Variants in COL23A1 observed in about 807,000 individuals in gnomAD.
COL23A1 encodes the protein collagen type XXIII alpha 1 chain.
COL23A1 carries 97 observed loss-of-function variants against 99.3 expected under a neutral mutation model. The ratio of observed to expected loss-of-function variants is 0.98; its 90% CI spans 0.83 to 1.16. The LOEUF (loss-of-function observed/expected upper bound fraction) is 1.16, where lower values mean the gene tolerates loss of function less well. Among genes scored for constraint, COL23A1 ranks in the 50% most tolerant of loss-of-function variants. COL23A1 has a pLI of 0.00. For missense variants in COL23A1, 762 were observed against 757.4 expected, an observed-to-expected ratio of 1.01 and a Z score of -0.07; for synonymous variants, 320 against 308.2, an observed-to-expected ratio of 1.04 and a Z score of -0.40.
rs1763590932 is a variant in COL23A1 at position 178,384,945 on chromosome 5, C to G, written c.362-78026G>C. On this transcript the variant is annotated intron_variant, in intron 2 of 28. Transcript: ENST00000390654. This position sits in a 1 kb window ranked among gnomAD's most constrained non-coding sequence, Gnocchi z 5.5. ...CTCCCGCTCCTTCCCTGTGCCCAGC[C>G]TCCCTGCCTGCCCCATCCAAGCCAC... 1.3e-5 allele frequency among the ~76,000 whole-genome samples: 2 copies of G among 152,170 alleles called. No individual in the cohort carries two copies. The highest frequency in any genetic ancestry group is 4.8e-5 in the African/African-American group (2 of 41,436).
At chr5:178,295,836 T>C (rs1388890845) in intron 3 of COL23A1, among the ~76,000 whole-genome samples, 5 of 152,230 alleles carry the variant, frequency 3.3e-5, no homozygotes, top group Admixed American at 1.3e-4. Context: ...CCAGGGTGTA[T>C]TGCTGCATTT....
chr5:178,284,093 C>G (rs1391411292), intron 5 of COL23A1, among the ~76,000 whole-genome samples: 1 of 152,204 alleles, frequency 6.6e-6, no homozygotes, highest in Non-Finnish European at 1.5e-5. Flanking sequence ...AGTGCCGTGC[C>G]TAGGGCTCCT....
intron 2 of COL23A1, among the ~76,000 whole-genome samples, chr5:178,331,100 A>C (rs1759992427): frequency 6.6e-6 from 1 of 152,252 alleles, no homozygotes; most frequent in South Asian, 2.1e-4. Flanking sequence ...TGAAATGAGA[A>C]CACGAATGCC....
At chr5:178,564,738 C>T (rs1160977673) in intron 1 of COL23A1, among the ~76,000 whole-genome samples, 1 of 152,116 alleles carries the variant, frequency 6.6e-6, no homozygotes. Context: ...TCAGAGGATA[C>T]GTTTATTAAC....
intron 2 of COL23A1, chr5:178,345,111 C>A: frequency 1.7e-6 from 1 of 598,930 alleles, no homozygotes; most frequent in South Asian, 1.4e-5. Context: ...CACGACATCT[C>A]CCAGGAAGAT....
At chr5:178,527,517 CG>C (rs1760376212) in intron 2 of COL23A1, among the ~76,000 whole-genome samples, 1 of 152,194 alleles carries the variant, frequency 6.6e-6, no homozygotes, top group Non-Finnish European at 1.5e-5. Context: ...TTCCAGGAAG[CG>C]GCTGGCCCGG....
In COL23A1 at chr5:178,267,338, G is replaced by A. The variant is rs765710251; in HGVS notation, c.496-5C>T. The A allele has an allele frequency of 6.2e-7, 1 of 1,613,718 alleles. No homozygotes were observed. Among genetic ancestry groups the A allele is most frequent in the South Asian group, 1.1e-5 (1 of 90,966 alleles). ...GCCAAAGTCTCCTGGTGCACCCTGGGAACAAAAGACAGGGAGAGGCATCAC... is the reference window on the plus strand; with the variant it reads ...GCCAAAGTCTCCTGGTGCACCCTGGAAACAAAAGACAGGGAGAGGCATCAC... On this transcript the variant is annotated splice_polypyrimidine_tract_variant and splice_region_variant and intron_variant, in intron 7 of 28. Transcript: ENST00000390654.
intron 2 of COL23A1, among the ~76,000 whole-genome samples, chr5:178,348,534 C>CG (rs1761121069): frequency 6.6e-6 from 1 of 152,218 alleles, no homozygotes. Flanking sequence ...GGGCTCCGAA[C>CG]GGCGCTGGGC....
intron 2 of COL23A1, among the ~76,000 whole-genome samples, chr5:178,533,989 TCC>T (rs1182685774): frequency 6.6e-6 from 1 of 152,188 alleles, no homozygotes; most frequent in Non-Finnish European, 1.5e-5. Context: ...ACTCTCTCTC[TCC>T]TTCCTTCAAA....
chr5:178,249,716 A>ACACTCACTCTCTCTCTCTCT lies in COL23A1; in HGVS notation c.1059+344_1059+345insAGAGAGAGAGAGAGTGAGTG. Reference sequence around the variant, plus strand: ...CACACACACACACACACACACACACACTCTCTCTCTCTCTCTCTCTCTCTC... The same window carrying ACACTCACTCTCTCTCTCTCT: ...CACACACACACACACACACACACACACACTCACTCTCTCTCTCTCTCTCTCTCTCTCTCTCTCTCTCTCTC... On this transcript the variant is annotated intron_variant, in intron 18 of 28. Coordinates refer to ENST00000390654, the MANE Select transcript of COL23A1 (RefSeq NM_173465.4). 2.7e-3 allele frequency among the ~76,000 whole-genome samples: 253 copies of ACACTCACTCTCTCTCTCTCT among 92,822 alleles called. 1 individual carries two copies. Among genetic ancestry groups the ACACTCACTCTCTCTCTCTCT allele is most frequent in the Non-Finnish European group, 4.1e-3 (187 of 45,742 alleles). The allele number at this position is 92,822 out of a possible 152,430, so 60.9% of individuals were successfully genotyped here.
intron 1 of COL23A1, among the ~76,000 whole-genome samples, chr5:178,585,729 T>TGGATGGTGCTGGGGTAATG (rs1562115562): frequency 9.1e-5 from 1 of 11,000 alleles, no homozygotes; most frequent in African/African-American, 3.0e-4. Flanking sequence ...GGGGTAACAC[T>TGGATGGTGCTGGGGTAATG]CCACAGCCCT....
At chr5:178,327,307 T>C (rs1759741466) in intron 2 of COL23A1, among the ~76,000 whole-genome samples, 2 of 152,114 alleles carry the variant, frequency 1.3e-5, no homozygotes, top group African/African-American at 4.8e-5. Context: ...GAAACGCTAT[T>C]AGAGACACGT....
rs542947091 is a variant in COL23A1, at chr5:178,306,152, GAGGGAGGAAGCGC to G, written c.406+710_406+722del. On this transcript the variant is annotated intron_variant, in intron 3 of 28. Transcript: ENST00000390654. This position sits in a 1 kb window ranked among gnomAD's most constrained non-coding sequence, Gnocchi z 4.1. ...TGGCAAAGGAGCCCGGGTCACAGAT[GAGGGAGGAAGCGC>G]AGGGAGGAAGCGCAGCCCAGACAGC... is the stretch of plus-strand genomic sequence containing the variant. Among the ~76,000 whole-genome samples, 77 of 152,244 alleles carry G rather than the reference GAGGGAGGAAGCGC, an allele frequency of 5.1e-4. No homozygotes were observed. The highest frequency in any genetic ancestry group is 7.9e-4 in the African/African-American group (33 of 41,540).
Position 178,348,482 on chromosome 5 carries a change from T to C in COL23A1, c.362-41563A>G, listed in dbSNP as rs74712223. On this transcript the variant is annotated intron_variant, in intron 2 of 28. Transcript: ENST00000390654. The stretch of plus-strand genomic sequence containing the variant: ...GCATTCTGGTCCTTTTCCATGTTCA[T>C]GGCTACCTCCCTTGGCAGTCAGGGT... Among the ~76,000 whole-genome samples the C allele has an allele frequency of 6.2e-3, 937 of 152,260 alleles. 18 individuals are homozygous for C. Among genetic ancestry groups the C allele is most frequent in the African/African-American group, 0.022 (896 of 41,540 alleles).
At chr5:178,273,450 C>T (rs943069499) in intron 5 of COL23A1, among the ~76,000 whole-genome samples, 8 of 152,222 alleles carry the variant, frequency 5.3e-5, no homozygotes, top group Non-Finnish European at 1.2e-4. Context: ...TTACACCAAA[C>T]GCCCTGCCTG....
chr5:178,288,549 G>A (rs751457654), intron 4 of COL23A1, 199 bp from the exon 5 acceptor site: 24 of 638,406 alleles, frequency 3.8e-5, no homozygotes, highest in South Asian at 1.7e-4. Context: ...CCAGGCTGGA[G>A]GGACCAAGAG....
intron 2 of COL23A1, among the ~76,000 whole-genome samples, chr5:178,465,345 G>A (rs1285344699): frequency 6.6e-6 from 1 of 152,182 alleles, no homozygotes; most frequent in Non-Finnish European, 1.5e-5. Flanking sequence ...ACATTCTTTA[G>A]CGTGACCGGA....
chr5:178,256,500 C>G (rs968615104), intron 14 of COL23A1, 103 bp from the exon 15 acceptor site: 14 of 1,130,812 alleles, frequency 1.2e-5, no homozygotes, highest in Non-Finnish European at 1.5e-5. Flanking sequence ...GCCCAGGGCC[C>G]GAGTGCTGGA....
At chr5:178,276,110 G>C (rs1042206663) in intron 5 of COL23A1, among the ~76,000 whole-genome samples, 10 of 152,204 alleles carry the variant, frequency 6.6e-5, no homozygotes, top group African/African-American at 2.4e-4. Context: ...TGTGGAGTAT[G>C]GTGGCTCCAT....
Sources: allele counts gnomAD v4.1 joint callset (sites outside exome capture counted in the v4.1 genomes callset), GRCh38; gene constraint gnomAD v4.1.1; non-coding constraint Gnocchi (gnomAD v3.1); transcripts MANE v1.5; gene names NCBI Gene and HGNC (gene_info 2026-07-23, HGNC 2026-07-21).